LIPA: variants seen among roughly 807,000 people sequenced by gnomAD.
LIPA encodes the protein lysosomal acid lipase/cholesteryl ester hydrolase.
Under a neutral mutation model 40.6 loss-of-function variants are expected in LIPA, and 26 were observed. That is an observed-to-expected ratio of 0.64 (90% CI 0.47 to 0.89). The LOEUF (loss-of-function observed/expected upper bound fraction) is 0.89. Among genes scored for constraint, LIPA ranks in the 40% least tolerant of loss-of-function variants. The pLI is 0.00. For synonymous variants in LIPA, 188 were observed against 168.4 expected, an observed-to-expected ratio of 1.12 and a Z score of -0.90; for missense variants, 455 against 479.6, an observed-to-expected ratio of 0.95 and a Z score of 0.48.
chr10:89,216,852 T>C (rs1411239889), intron 8 of LIPA, among the ~76,000 whole-genome samples: 1 of 152,194 alleles, frequency 6.6e-6, no homozygotes, highest in Non-Finnish European at 1.5e-5. Flanking sequence ...TAGTCAAATT[T>C]TAATGATGGT....
At chr10:89,381,582 C>T (rs1469080399) in intron 2 of LIPA, among the ~76,000 whole-genome samples, 1 of 151,992 alleles carries the variant, frequency 6.6e-6, no homozygotes, top group Non-Finnish European at 1.5e-5. Context: ...GGATTGTGGG[C>T]AGGAATGCAC....
intron 2 of LIPA, among the ~76,000 whole-genome samples, chr10:89,364,042 A>T (rs1371218104): frequency 6.6e-6 from 1 of 152,208 alleles, no homozygotes; most frequent in African/African-American, 2.4e-5. Flanking sequence ...ATGTTATCAT[A>T]TCTAAATCTA....
chr10:89,288,715 T>A (rs767504296), intron 1 of LIPA, among the ~76,000 whole-genome samples: 24 of 152,104 alleles, frequency 1.6e-4, no homozygotes, highest in Non-Finnish European at 2.8e-4. Flanking sequence ...TATAGTATCT[T>A]CCACACCTAT....
chr10:89,238,457 A>C (rs995350998), intron 3 of LIPA, among the ~76,000 whole-genome samples: 4 of 152,206 alleles, frequency 2.6e-5, no homozygotes, highest in African/African-American at 4.8e-5. Flanking sequence ...ATGATGGAAG[A>C]ATTGCTATTC....
chr10:89,294,616 T>C (rs1843398168), intron 1 of LIPA, among the ~76,000 whole-genome samples: 1 of 152,192 alleles, frequency 6.6e-6, no homozygotes. Context: ...ACATGAACTT[T>C]GGAGGACATA....
chr10:89,236,792 C>T (rs1431862232), intron 3 of LIPA, among the ~76,000 whole-genome samples: 2 of 152,136 alleles, frequency 1.3e-5, no homozygotes, highest in Non-Finnish European at 2.9e-5. Flanking sequence ...TGCAGGATTG[C>T]TCTAATATGA....
chr10:89,412,809 G>A (rs1470715921), exon 2 of LIPA: 1 of 413,698 alleles, frequency 2.4e-6, no homozygotes, highest in Admixed American at 2.8e-5. Context: ...AGAAACTCCA[G>A]ACACATCTGA....
In LIPA at chr10:89,325,832, C is replaced by A. The variant is rs373804571; in HGVS notation, c.-2+16779G>T. On this transcript the variant is annotated intron_variant, in intron 1 of 5. Transcript: ENST00000282673. ...ACATGCAATTTACCTAAATAACAAA[C>A]CTGTACGTGTATACCTGCACATAAA... 1.6e-4 allele frequency among the ~76,000 whole-genome samples: 24 copies of A among 152,098 alleles called. No homozygotes were observed. The East Asian group carries it at 2.3e-3, about 15-fold the overall frequency.
intron 3 of LIPA, among the ~76,000 whole-genome samples, chr10:89,237,453 C>T (rs1842918676): frequency 7.2e-6 from 1 of 139,126 alleles, no homozygotes; most frequent in African/African-American, 3.1e-5. Context: ...TCCATTCTAA[C>T]AAAAAAAAAT....
At chr10:89,300,622 T>C (rs1164701904) in intron 1 of LIPA, among the ~76,000 whole-genome samples, 1 of 152,216 alleles carries the variant, frequency 6.6e-6, no homozygotes, top group East Asian at 1.9e-4. Context: ...AGGAATTGTT[T>C]GGCTTAGGTC....
At chr10:89,359,412 C>G (rs994331714) in intron 2 of LIPA, among the ~76,000 whole-genome samples, 7 of 152,172 alleles carry the variant, frequency 4.6e-5, no homozygotes, top group Non-Finnish European at 1.0e-4. Context: ...CTAAGAGGTT[C>G]CTATTTTTGT....
At chr10:89,230,007 A>T (rs1159615888) in intron 3 of LIPA, among the ~76,000 whole-genome samples, 1 of 152,224 alleles carries the variant, frequency 6.6e-6, no homozygotes, top group Non-Finnish European at 1.5e-5. Flanking sequence ...GCTCACACAC[A>T]CAAATTCATA....
intron 1 of LIPA, chr10:89,339,091 C>A (rs1843800536): frequency 6.2e-7 from 1 of 1,614,010 alleles, no homozygotes; most frequent in Non-Finnish European, 8.5e-7. Context: ...AGGGTGGACA[C>A]AACTGAAGTG....
chr10:89,306,535 C>T (rs371496568), intron 1 of LIPA: 40 of 1,613,950 alleles, frequency 2.5e-5, no homozygotes, highest in Admixed American at 3.3e-5. Flanking sequence ...CATCTCAGAA[C>T]GCCATTGACC....
chr10:89,318,978 A>C (rs1843556658), intron 1 of LIPA, among the ~76,000 whole-genome samples: 2 of 152,224 alleles, frequency 1.3e-5, no homozygotes, highest in Admixed American at 1.3e-4. Flanking sequence ...GTACATAAGA[A>C]AATGAAGGCA....
At chr10:89,272,079 A>T (rs1292070604) in intron 1 of LIPA, among the ~76,000 whole-genome samples, 1 of 152,040 alleles carries the variant, frequency 6.6e-6, no homozygotes, top group African/African-American at 2.4e-5. Context: ...TTAAAAAAAA[A>T]AAATTTAAAA....
intron 2 of LIPA, among the ~76,000 whole-genome samples, chr10:89,381,025 T>C (rs1274465827): frequency 6.6e-6 from 1 of 152,210 alleles, no homozygotes; most frequent in Non-Finnish European, 1.5e-5. Context: ...CAAAATCTAG[T>C]ATACTTTTTT....
intron 1 of LIPA, among the ~76,000 whole-genome samples, chr10:89,274,756 A>G (rs1484011273): frequency 1.3e-5 from 2 of 152,112 alleles, no homozygotes; most frequent in Non-Finnish European, 2.9e-5. Context: ...AGGTACTGGA[A>G]TTTCCGTGTC....
chr10:89,412,771 C>A, intron 2 of LIPA: 1 of 431,858 alleles, frequency 2.3e-6, no homozygotes, highest in Non-Finnish European at 4.6e-6. Context: ...CTCCTGAAGT[C>A]AGCAAGACCA....
Sources: gnomAD v4.1 joint callset for allele counts (sites outside exome capture counted in the v4.1 genomes callset) on GRCh38, gnomAD v4.1.1 for gene constraint, MANE v1.5 for transcripts, NCBI Gene and HGNC (gene_info 2026-07-23, HGNC 2026-07-21) for gene names.